RHBDD3: variants seen among roughly 807,000 people sequenced by gnomAD.
RHBDD3 encodes the protein rhomboid domain-containing protein 3.
RHBDD3 carries 34 observed loss-of-function variants against 32.3 expected under a neutral mutation model. The ratio of observed to expected loss-of-function variants is 1.05; its 90% CI spans 0.80 to 1.40. The LOEUF is 1.40. RHBDD3 is among the 40% of genes most tolerant of loss of function. The pLI, the probability that RHBDD3 is intolerant of heterozygous loss-of-function variation, is 0.00. For missense variants in RHBDD3, 482 were observed against 492.6 expected (o/e 0.98, Z 0.20); for synonymous variants, 249 against 239.1 (o/e 1.04, Z -0.38).
intron 4 of RHBDD3, chr22:29,261,130 G>A (rs2058112845): frequency 1.7e-6 from 1 of 595,912 alleles, no homozygotes; most frequent in Non-Finnish European, 3.0e-6. Context: ...TCTGTTCCCA[G>A]AACCCTATGC....
At chr22:29,266,458 G>A (rs2058184182) in intron 2 of RHBDD3, among the ~76,000 whole-genome samples, 1 of 152,344 alleles carries the variant, frequency 6.6e-6, no homozygotes, top group South Asian at 2.1e-4. Flanking sequence ...GGCTAAGGCA[G>A]GCCCTGGCCC....
At position 29,260,081 on chromosome 22, in the gene RHBDD3, G is replaced by A. The variant is rs375171092; in HGVS notation, c.1140C>T (p.Ser380=). The change falls in exon 7 of 7, where the codon TCC becomes TCT. Residue 380 remains serine (S), a synonymous_variant. Transcript: ENST00000216085. ...VTHGKGGPAH[S]EGPGPP ...TGGGCTAGGGAGGCCCAGGACCCTC[G>A]GAGTGGGCAGGCCCACCCTTTCCAT... The A allele has an allele frequency of 2.5e-5, 40 of 1,569,410 alleles. No homozygotes were observed. The highest frequency in any genetic ancestry group is 1.7e-4 in the Admixed American group (9 of 52,974).
intron 2 of RHBDD3, among the ~76,000 whole-genome samples, chr22:29,266,686 A>C: frequency 6.6e-6 from 1 of 152,162 alleles, no homozygotes; most frequent in South Asian, 2.1e-4. Flanking sequence ...CAGGGCCTGT[A>C]GGTCTTCACC....
At chr22:29,262,015 A>G (rs747148876) in intron 4 of RHBDD3, 1 of 152,202 alleles carries the variant, frequency 6.6e-6, no homozygotes, top group African/African-American at 2.4e-5. Flanking sequence ...CACTCTTGTC[A>G]AAATAAATTG....
rs781736122 is a variant in RHBDD3 at position 29,260,167 on chromosome 22, C to A, written c.1054G>T (p.Val352Leu). The A allele has an allele frequency of 1.9e-6, 3 of 1,589,706 alleles. No individual in the cohort carries two copies. In the African/African-American group the frequency reaches 4.0e-5, roughly 21 times the overall value. ...AVVALAATGR[V>L]EGAVSLLVGG... ...ACCAACAGTGACACGGCACCCTCCA[C>A]ACGGCCTGTGGCTGCCAGTGCCACC... is the stretch of plus-strand genomic sequence containing the variant. Residue 352 changes from valine (V) to leucine (L), a missense_variant, in exon 7 of 7, where the codon GTG (valine) becomes TTG (leucine). Transcript: ENST00000216085.
At position 29,260,753 on chromosome 22, in the gene RHBDD3, G is replaced by A. The variant is rs1478983597; in HGVS notation, c.644C>T (p.Ala215Val). ...LAGCWPLRLL[A>V]TPGSLAELPV... The stretch of plus-strand genomic sequence containing the variant: ...CAGCTCCGCCAGGCTACCCGGGGTG[G>A]CAAGGAGCCTCAGGGGCCAGCACCC... Residue 215 changes from alanine (A) to valine (V), a missense_variant, in exon 5 of 7, where the codon GCC (alanine) becomes GTC (valine). By Grantham distance (64) the Ala-to-Val change is moderately conservative. Transcript: ENST00000216085. The A allele has an allele frequency of 5.0e-6, 8 of 1,600,512 alleles. No homozygotes were observed. The Admixed American group carries it at 1.4e-4, about 28-fold the overall frequency.
In RHBDD3 at chr22:29,260,477, C is replaced by G. The variant is rs769634844; in HGVS notation, c.832G>C (p.Ala278Pro). 3.1e-6 allele frequency: 5 copies of G among 1,607,098 alleles called. No homozygotes were observed. The highest frequency in any genetic ancestry group is 1.7e-4 in the Middle Eastern group (1 of 5,878). The change falls in exon 6 of 7, where the codon GCT becomes CCT. Residue 278 changes from alanine to proline, a missense_variant. Physicochemically the swap from Ala to Pro is conservative, Grantham distance 27. Coordinates refer to ENST00000216085, the MANE Select transcript of RHBDD3 (RefSeq NM_012265.3). ...GTCCCTGGGGAGAAGCTGGCCCCAG[C>G]CCAGTCCAGGCCTGCCTCTGAGGAG... ...EGSSEAGLDW[A>P]GASFSPGTPM...
intron 2 of RHBDD3, among the ~76,000 whole-genome samples, chr22:29,266,818 C>T (rs1257684028): frequency 6.6e-6 from 1 of 152,258 alleles, no homozygotes; most frequent in Non-Finnish European, 1.5e-5. Context: ...TCCACATCTA[C>T]CAGTTTCCTG....
At chr22:29,264,712 C>G (rs2058157189) in intron 3 of RHBDD3, 1 of 159,746 alleles carries the variant, frequency 6.3e-6, no homozygotes, top group Non-Finnish European at 1.3e-5. Context: ...GGTCACTCCT[C>G]AAAACCCCAA....
chr22:29,266,714 G>C (rs895991713), intron 2 of RHBDD3, among the ~76,000 whole-genome samples: 1 of 152,170 alleles, frequency 6.6e-6, no homozygotes, highest in Non-Finnish European at 1.5e-5. Context: ...AGGCCTCTCG[G>C]TCCCAGGACT....
rs187185599 is a variant in RHBDD3 at position 29,266,292 on chromosome 22, C to T, written c.-42-624G>A. Among the ~76,000 whole-genome samples, 8 of 152,280 alleles carry T rather than the reference C, an allele frequency of 5.3e-5. No homozygotes were observed. In the East Asian group the frequency reaches 1.4e-3, roughly 26 times the overall value. ...CTTTCCACAGGAAGGGTACAGTATG[C>T]GCTCCACCTCTTTCTGCTCTGTGTC... On this transcript the variant is annotated intron_variant, in intron 2 of 6. Transcript: ENST00000216085.
chr22:29,264,086 G>T lies in RHBDD3; in HGVS notation c.281C>A (p.Ala94Asp), dbSNP rs371054676. 6.3e-7 allele frequency: 1 copy of T among 1,584,836 alleles called. No homozygotes were observed. The part of the protein sequence containing the change: ...LGTLRFLHAS[A>D]LLALASGLLA... ...CAGCCCAGAAGCCAGGGCGAGCAGG[G>T]CTGAGGCATGCAGGAATCTCAGCGT... The change falls in exon 4 of 7, where the codon GCC becomes GAC. Residue 94 changes from alanine (A) to aspartate (D), a missense_variant. Coordinates refer to ENST00000216085, the MANE Select transcript of RHBDD3 (RefSeq NM_012265.3).
At position 29,264,153 on chromosome 22, in the gene RHBDD3, G is replaced by A; in HGVS notation, c.214C>T (p.Leu72Phe). Residue 72 changes from leucine to phenylalanine, a missense_variant, in exon 4 of 7, where the codon CTC becomes TTC. Leu to Phe is a conservative substitution (Grantham distance 22). Transcript: ENST00000216085. ...ALPGLLLSLL[L>F]LPTVGWQQEC... ...TGCTGCCAGCCCACAGTGGGCAGGAGCAGCAGGCTCAGGAGCAGGCCTGGC... is the reference window on the plus strand; with the variant it reads ...TGCTGCCAGCCCACAGTGGGCAGGAACAGCAGGCTCAGGAGCAGGCCTGGC... The A allele has an allele frequency of 1.9e-6, 3 of 1,586,822 alleles. No homozygotes were observed. The highest frequency in any genetic ancestry group is 2.6e-6 in the Non-Finnish European group (3 of 1,168,094).
At chr22:29,266,299 C>T (rs911007816) in intron 2 of RHBDD3, among the ~76,000 whole-genome samples, 4 of 152,228 alleles carry the variant, frequency 2.6e-5, no homozygotes, top group Non-Finnish European at 4.4e-5. Context: ...ATGCGCTCCA[C>T]CTCTTTCTGC....
chr22:29,261,895 G>A (rs189740261), intron 4 of RHBDD3: 6 of 152,258 alleles, frequency 3.9e-5, no homozygotes, highest in Middle Eastern at 3.4e-3. Context: ...TCAAGAAATC[G>A]GCCCACCTCA....
At chr22:29,266,720 G>T (rs541441394) in intron 2 of RHBDD3, among the ~76,000 whole-genome samples, 1 of 152,332 alleles carries the variant, frequency 6.6e-6, no homozygotes, top group East Asian at 1.9e-4. Context: ...CTCGGTCCCA[G>T]GACTCCCACT....
chr22:29,266,732 A>G (rs989638102), intron 2 of RHBDD3, among the ~76,000 whole-genome samples: 1 of 152,144 alleles, frequency 6.6e-6, no homozygotes, highest in African/African-American at 2.4e-5. Context: ...ACTCCCACTG[A>G]GCTGATTCAG....
rs774379059 is a variant in RHBDD3, at chr22:29,260,470, GC to G, written c.838del (p.Ala280ProfsTer91). The G allele has an allele frequency of 1.9e-6, 3 of 1,608,830 alleles. No homozygotes were observed. The highest frequency in any genetic ancestry group is 2.5e-6 in the Non-Finnish European group (3 of 1,178,810). On this transcript the variant is annotated frameshift_variant, in exon 6 of 7. Coordinates refer to ENST00000216085, the MANE Select transcript of RHBDD3 (RefSeq NM_012265.3). LOFTEE classifies it high-confidence loss of function. ...SSEAGLDWAG[A>X]SFSPGTPMWA... is the part of the protein sequence containing the mutation. ...CATCGGAGTCCCTGGGGAGAAGCTG[GC>G]CCCAGCCCAGTCCAGGCCTGCCTCT...
chr22:29,266,285 C>T (rs2058176909), intron 2 of RHBDD3, among the ~76,000 whole-genome samples: 1 of 152,210 alleles, frequency 6.6e-6, no homozygotes, highest in East Asian at 1.9e-4. Flanking sequence ...AGGAAGGGTA[C>T]AGTATGCGCT....
Sources: gnomAD v4.1 joint callset for allele counts (sites outside exome capture counted in the v4.1 genomes callset) on GRCh38, gnomAD v4.1.1 for gene constraint, MANE v1.5 for transcripts, NCBI Gene and HGNC (gene_info 2026-07-23, HGNC 2026-07-21) for gene names.